The following PPL variants were observed in gnomAD, a reference collection of about 807,000 sequenced individuals.
The protein encoded by PPL is periplakin.
Under a neutral mutation model 194.4 loss-of-function variants are expected in PPL, and 198 were observed. That is an observed-to-expected ratio of 1.02 (90% confidence interval 0.91 to 1.15). The LOEUF is 1.15. PPL is among the 50% of genes most tolerant of loss of function. The pLI is 0.00. For missense variants in PPL, 2,885 were observed against 2,294.8 expected, an observed-to-expected ratio of 1.26 and a Z score of -5.25; for synonymous variants, 1,220 against 972.4, an observed-to-expected ratio of 1.25 and a Z score of -4.74.
intron 8 of PPL, among the ~76,000 whole-genome samples, chr16:4,898,677 A>G (rs2088481742): frequency 1.3e-5 from 2 of 152,120 alleles, no homozygotes; most frequent in South Asian, 4.1e-4. Flanking sequence ...GCCCTAAGAC[A>G]CCTTGATTTC....
At chr16:4,890,662 T>C in intron 17 of PPL, 66 bp downstream of exon 17, 9 of 1,501,820 alleles carry the variant, frequency 6.0e-6, no homozygotes, top group South Asian at 1.3e-5. Context: ...GGCTAAAGCA[T>C]TGCTTAGAGG....
At chr16:4,891,051 G>A (rs2096061519) in intron 16 of PPL, 130 bp from the exon 17 acceptor site, 2 of 736,056 alleles carry the variant, frequency 2.7e-6, no homozygotes, top group Non-Finnish European at 4.3e-6. Context: ...AAGGACCGGA[G>A]CCTTGCTCTG....
At chr16:4,921,060 C>T (rs190718148) in intron 1 of PPL, among the ~76,000 whole-genome samples, 6 of 152,180 alleles carry the variant, frequency 3.9e-5, no homozygotes, top group Admixed American at 6.5e-5. Context: ...CAAGCCTCTA[C>T]GAGTCACCTC....
chr16:4,895,250 G>T lies in PPL; in HGVS notation c.1242+11C>A. On this transcript the variant is annotated intron_variant, in intron 11 of 21. Coordinates refer to ENST00000345988, the MANE Select transcript of PPL (RefSeq NM_002705.5). ...TGTAGTGATGTGAACAGAGGAGCTG[G>T]CCCCACGCACCTGCTCCCCCTCAAA... 1.3e-6 allele frequency: 2 copies of T among 1,595,650 alleles called. No individual in the cohort carries two copies. The highest frequency in any genetic ancestry group is 1.7e-6 in the Non-Finnish European group (2 of 1,170,424).
At chr16:4,910,174 A>G (rs2088789868) in intron 2 of PPL, among the ~76,000 whole-genome samples, 1 of 152,206 alleles carries the variant, frequency 6.6e-6, no homozygotes, top group Non-Finnish European at 1.5e-5. Context: ...TGTTACAGAA[A>G]GGGAAACTGA....
intron 11 of PPL, 139 bp downstream of exon 11, chr16:4,895,122 C>G (rs1313212069): frequency 4.3e-6 from 5 of 1,154,154 alleles, no homozygotes; most frequent in East Asian, 5.4e-5. Flanking sequence ...TTGGCCTGCA[C>G]CAGGGGAAGG....
Position 4,889,294 on chromosome 16 carries a change from G to C in PPL, c.2314-233C>G, listed in dbSNP as rs548891202. The stretch of plus-strand genomic sequence containing the variant: ...TTTTTTGAGACAGTCTCACTGCATC[G>C]CCCAGGCTGGAGTACAGTGGCGCGA... On this transcript the variant is annotated intron_variant, in intron 18 of 21. Coordinates refer to ENST00000345988, the MANE Select transcript of PPL (RefSeq NM_002705.5). 4.3e-5 allele frequency among the ~76,000 whole-genome samples: 5 copies of C among 115,996 alleles called. No homozygotes were observed. In the South Asian group the frequency reaches 1.6e-3, roughly 36 times the overall value. 76.1% of individuals were successfully genotyped at this position (115,996 alleles called of 152,430 possible).
At chr16:4,917,439 G>A (rs1380600235) in intron 1 of PPL, among the ~76,000 whole-genome samples, 1 of 152,154 alleles carries the variant, frequency 6.6e-6, no homozygotes, top group Non-Finnish European at 1.5e-5. Flanking sequence ...GATAAGAAAC[G>A]TCCAGAATGC....
At chr16:4,920,347 G>GAGAAAA (rs1366565516) in intron 1 of PPL, among the ~76,000 whole-genome samples, 1 of 66,892 alleles carries the variant, frequency 1.5e-5, no homozygotes, top group Non-Finnish European at 4.8e-5. Flanking sequence ...GAGAGAGAGA[G>GAGAAAA]AAAGAAAGAA....
At chr16:4,892,992 A>G (rs2088348483) in intron 14 of PPL, 5 of 542,112 alleles carry the variant, frequency 9.2e-6, no homozygotes, top group Non-Finnish European at 1.5e-5. Context: ...CAAGCCGTGC[A>G]GGAACAATGC....
chr16:4,927,427 G>T (rs1347947086), intron 1 of PPL, among the ~76,000 whole-genome samples: 1 of 152,180 alleles, frequency 6.6e-6, no homozygotes, highest in Non-Finnish European at 1.5e-5. Context: ...CTTGGAAAGG[G>T]CTCTGACATG....
Position 4,884,208 on chromosome 16 carries a change from G to A in PPL, c.4447C>T (p.Leu1483Phe). The A allele has an allele frequency of 1.9e-6, 3 of 1,613,948 alleles. No individual in the cohort carries two copies. Among genetic ancestry groups the A allele is most frequent in the Non-Finnish European group, 2.5e-6 (3 of 1,180,004 alleles). ...TCCAGTGCAGCCAGTTTCCTCCGGAGGGTCTCGAGCTCCCCCTCCAGGAGC... is the reference window on the plus strand; with the variant it reads ...TCCAGTGCAGCCAGTTTCCTCCGGAAGGTCTCGAGCTCCCCCTCCAGGAGC... The part of the protein sequence containing the change: ...RQLLEGELET[L>F]RRKLAALEKA... The change falls in exon 22 of 22, where the codon CTC (leucine) becomes TTC (phenylalanine). Residue 1483 changes from leucine to phenylalanine, a missense_variant. Physicochemically the swap from Leu to Phe is conservative, Grantham distance 22. Transcript: ENST00000345988. The surrounding 1 kb of genome is among the most constrained non-coding windows in gnomAD (Gnocchi z 5.7).
At chr16:4,921,555 C>T (rs1046449928) in intron 1 of PPL, among the ~76,000 whole-genome samples, 1 of 152,190 alleles carries the variant, frequency 6.6e-6, no homozygotes, top group African/African-American at 2.4e-5. Context: ...CAACCTCTGC[C>T]TCCTGGGTTC....
At chr16:4,928,482 C>T (rs1049893157) in intron 1 of PPL, among the ~76,000 whole-genome samples, 2 of 152,216 alleles carry the variant, frequency 1.3e-5, no homozygotes, top group Non-Finnish European at 2.9e-5. Flanking sequence ...ATAAAACACA[C>T]CAGAGCTGCT....
chr16:4,897,821 C>A, intron 8 of PPL, 51 bp from the exon 9 acceptor site: 2 of 1,447,788 alleles, frequency 1.4e-6, no homozygotes, highest in Non-Finnish European at 1.9e-6. Flanking sequence ...CTGCAGACAC[C>A]AAGGGAGGGA....
Position 4,900,983 on chromosome 16 carries a change from A to C in PPL, c.545T>G (p.Leu182Arg). ...HNEVKAIGPH[L>R]AKDGDKEQNS... is the part of the protein sequence containing the mutation. Reference sequence around the variant, plus strand: ...CCCCACCTTGTCCCCGTCCTTGGCCAGGTGGGGCCCGATGGCCTTGACCTC... The same window carrying C: ...CCCCACCTTGTCCCCGTCCTTGGCCCGGTGGGGCCCGATGGCCTTGACCTC... Residue 182 changes from leucine (L) to arginine (R), a missense_variant, in exon 5 of 22, where the codon CTG (leucine) becomes CGG (arginine). Physicochemically the swap from Leu to Arg is moderately radical, Grantham distance 102. Transcript: ENST00000345988. 3.1e-6 allele frequency: 5 copies of C among 1,614,146 alleles called. No individual in the cohort carries two copies. The highest frequency in any genetic ancestry group is 4.2e-6 in the Non-Finnish European group (5 of 1,180,022).
In PPL at chr16:4,899,241, G is replaced by A. The variant is rs768602184; in HGVS notation, c.750C>T (p.Ser250=). The A allele has an allele frequency of 6.2e-7, 1 of 1,613,914 alleles. No individual in the cohort carries two copies. Among genetic ancestry groups the A allele is most frequent in the South Asian group, 1.1e-5 (1 of 91,076 alleles). The part of the protein sequence containing the change: ...DWSDRNLDYP[S]RRRQYENFIN... ...AACCCACCTCATACTGGCGCCGGCG[G>A]CTGGGGTAGTCGAGGTTGCGGTCAC... is the stretch of plus-strand genomic sequence containing the variant. The change falls in exon 7 of 22, where the codon AGC becomes AGT. Residue 250 remains serine (S), a synonymous_variant. Coordinates refer to ENST00000345988, the MANE Select transcript of PPL (RefSeq NM_002705.5).
At position 4,883,729 on chromosome 16, in the gene PPL, G is replaced by A. The variant is rs149847603; in HGVS notation, c.4926C>T (p.Ser1642=). Residue 1642 remains serine (S), a synonymous_variant, in exon 22 of 22, where the codon TCC becomes TCT. Coordinates refer to ENST00000345988, the MANE Select transcript of PPL (RefSeq NM_002705.5). The surrounding 1 kb of genome is among the most constrained non-coding windows in gnomAD (Gnocchi z 4.8). ...CCCGCTGCTCCCGCTTGACGGCCAC[G>A]GAGCCCAGGCGCTTCTGCAGCTCGT... is the stretch of plus-strand genomic sequence containing the variant. ...EIDELQKRLG[S]VAVKREQREN... is the part of the protein sequence containing the mutation. 59 of 1,613,946 alleles carry A rather than the reference G, an allele frequency of 3.7e-5. No homozygotes were observed. The highest frequency in any genetic ancestry group is 3.2e-4 in the South Asian group (29 of 91,078).
At position 4,884,979 on chromosome 16, in the gene PPL, C is replaced by T. The variant is rs184351594; in HGVS notation, c.3676G>A (p.Val1226Met). The change falls in exon 22 of 22, where the codon GTG (valine) becomes ATG (methionine). Residue 1226 changes from valine to methionine, a missense_variant. Physicochemically the swap from Val to Met is conservative, Grantham distance 21. Transcript: ENST00000345988. The surrounding 1 kb of genome is among the most constrained non-coding windows in gnomAD (Gnocchi z 5.7). ...TCCTTAGTCACCTCTTTGACTTCCA[C>T]CTGGGGGCCTCGCCTCCTGAGGGCC... is the stretch of plus-strand genomic sequence containing the variant. The part of the protein sequence containing the change: ...LEALRRRGPQ[V>M]EVKEVTKEVI... The T allele has an allele frequency of 1.3e-5, 21 of 1,614,148 alleles. No homozygotes were observed. The Admixed American group carries it at 2.2e-4, about 17-fold the overall frequency.
Sources: allele counts gnomAD v4.1 joint callset (sites outside exome capture counted in the v4.1 genomes callset), GRCh38; gene constraint gnomAD v4.1.1; non-coding constraint Gnocchi (gnomAD v3.1); transcripts MANE v1.5; gene names NCBI Gene and HGNC (gene_info 2026-07-23, HGNC 2026-07-21).